TMEM178B: variants seen among roughly 807,000 people sequenced by gnomAD.
TMEM178B encodes transmembrane protein 178B.
A neutral mutation model predicts 31.0 loss-of-function variants in TMEM178B; 5 were observed. That is an observed-to-expected ratio of 0.16 (90% CI 0.08 to 0.34). The LOEUF (loss-of-function observed/expected upper bound fraction) is 0.34. TMEM178B is among the 10% of genes least tolerant of loss of function. TMEM178B has a pLI of 1.00. For synonymous variants in TMEM178B, 164 were observed against 164.0 expected (o/e 1.00, Z 0.00); for missense variants, 275 against 400.3 (o/e 0.69, Z 2.67).
chr7:141,105,483 G>A (rs965218876), intron 1 of TMEM178B, among the ~76,000 whole-genome samples: 1 of 152,038 alleles, frequency 6.6e-6, no homozygotes, highest in African/African-American at 2.4e-5. Flanking sequence ...TTCTAGCCTG[G>A]GCAACACAGT....
At chr7:141,077,288 G>A (rs1254516904) in intron 1 of TMEM178B, among the ~76,000 whole-genome samples, 1 of 152,130 alleles carries the variant, frequency 6.6e-6, no homozygotes, top group Admixed American at 6.5e-5. Flanking sequence ...TTAAAATTCT[G>A]GAAGATATGT....
At chr7:141,098,657 G>A (rs1328240019) in intron 1 of TMEM178B, among the ~76,000 whole-genome samples, 4 of 152,214 alleles carry the variant, frequency 2.6e-5, no homozygotes, top group African/African-American at 9.6e-5. Flanking sequence ...TATTGTGAAG[G>A]TTGAGTGAGT....
At chr7:141,215,337 A>ATTTTTTTTTTTTTTTTTTT (rs67571979) in intron 2 of TMEM178B, among the ~76,000 whole-genome samples, 1 of 141,488 alleles carries the variant, frequency 7.1e-6, no homozygotes, top group Admixed American at 7.3e-5. Context: ...TATTATTATT[A>ATTTTTTTTTTTTTTTTTTT]TTTTTTGAGA....
At chr7:141,252,474 G>T (rs915408082) in intron 2 of TMEM178B, among the ~76,000 whole-genome samples, 1 of 152,200 alleles carries the variant, frequency 6.6e-6, no homozygotes, top group Non-Finnish European at 1.5e-5. Context: ...AACTGGCCAC[G>T]ATGTAGACGT....
chr7:141,508,663 T>A, the TMEM178B span, among the ~76,000 whole-genome samples: 55 of 152,328 alleles, frequency 3.6e-4, 2 homozygotes, highest in South Asian at 8.3e-4. Context: ...CGAAAGGCAC[T>A]TCTTACATGG....
At chr7:141,174,468 T>G (rs1796396011) in intron 1 of TMEM178B, among the ~76,000 whole-genome samples, 1 of 152,184 alleles carries the variant, frequency 6.6e-6, no homozygotes, top group Non-Finnish European at 1.5e-5. Flanking sequence ...TTCCTTTGGG[T>G]ATATACCCAG....
intron 2 of TMEM178B, among the ~76,000 whole-genome samples, chr7:141,357,492 C>T (rs1799841382): frequency 6.6e-6 from 1 of 152,186 alleles, no homozygotes; most frequent in Admixed American, 6.5e-5. Flanking sequence ...GGAGCACTAG[C>T]CTGGGGCTCC....
intron 2 of TMEM178B, among the ~76,000 whole-genome samples, chr7:141,432,884 C>T (rs1014537472): frequency 3.9e-5 from 6 of 152,110 alleles, no homozygotes; most frequent in Non-Finnish European, 7.4e-5. Context: ...GTCTGAGGGG[C>T]GGATTCTGGG....
rs1419475815 is a variant in TMEM178B at position 141,215,898 on chromosome 7, T to A, written c.496+3194T>A. Reference sequence around the variant, plus strand: ...CTCCTTCCTTCCTTCCTTTCCTTCTTTCTTTCTTTCTTTCTTTTTTTTTTT... The same window carrying A: ...CTCCTTCCTTCCTTCCTTTCCTTCTATCTTTCTTTCTTTCTTTTTTTTTTT... On this transcript the variant is annotated intron_variant, in intron 2 of 3. Coordinates refer to ENST00000565468, the MANE Select transcript of TMEM178B (RefSeq NM_001195278.2). Among the ~76,000 whole-genome samples, 5 of 23,258 alleles carry A rather than the reference T, an allele frequency of 2.1e-4. 1 individual carries two copies. Among genetic ancestry groups the A allele is most frequent in the Non-Finnish European group, 8.2e-4 (4 of 4,872 alleles). The allele number at this position is 23,258 out of a possible 152,430, so 15.3% of individuals were successfully genotyped here. A position where few individuals can be genotyped will look rare whatever the true frequency, so the allele number is the denominator to read the frequency against.
chr7:141,077,344 G>A (rs1369503556), intron 1 of TMEM178B, among the ~76,000 whole-genome samples: 5 of 152,280 alleles, frequency 3.3e-5, no homozygotes, highest in South Asian at 2.1e-4. Flanking sequence ...TTTAAAATCC[G>A]TTAATATATA....
In TMEM178B at chr7:141,270,430, A is replaced by G. The variant is rs931374331; in HGVS notation, c.496+57726A>G. On this transcript the variant is annotated intron_variant, in intron 2 of 3. Transcript: ENST00000565468. Reference sequence around the variant, plus strand: ...TGCCGAGGGACAATAAGAAGCTGACATTCGGGAATTTTCTTTGGGTAGGTT... The same window carrying G: ...TGCCGAGGGACAATAAGAAGCTGACGTTCGGGAATTTTCTTTGGGTAGGTT... Among the ~76,000 whole-genome samples, 63 of 152,276 alleles carry G rather than the reference A, an allele frequency of 4.1e-4. 1 individual carries two copies. The highest frequency in any genetic ancestry group is 1.4e-3 in the African/African-American group (59 of 41,572).
chr7:141,362,864 T>G (rs924440426), intron 2 of TMEM178B, among the ~76,000 whole-genome samples: 3 of 152,174 alleles, frequency 2.0e-5, no homozygotes, highest in Admixed American at 1.3e-4. Flanking sequence ...ACAGAGACAC[T>G]CAGGGGTCAG....
intron 1 of TMEM178B, among the ~76,000 whole-genome samples, chr7:141,143,894 A>C (rs748621479): frequency 2.0e-5 from 3 of 152,150 alleles, no homozygotes; most frequent in Non-Finnish European, 4.4e-5. Context: ...GATTTATTTC[A>C]GCAGTGTTTT....
chr7:141,368,246 G>A (rs1041687837), intron 2 of TMEM178B, among the ~76,000 whole-genome samples: 2 of 152,150 alleles, frequency 1.3e-5, no homozygotes, highest in African/African-American at 2.4e-5. Context: ...TTGAACCTGG[G>A]GGGTGGAGGT....
intron 1 of TMEM178B, among the ~76,000 whole-genome samples, chr7:141,088,298 C>T (rs1048555221): frequency 6.6e-6 from 1 of 152,056 alleles, no homozygotes; most frequent in African/African-American, 2.4e-5. Context: ...CTCCCATGCA[C>T]TCCCATGTGC....
rs182577020 is a variant in TMEM178B at position 141,222,910 on chromosome 7, G to A, written c.496+10206G>A. Among the ~76,000 whole-genome samples the A allele has an allele frequency of 4.6e-3, 706 of 152,326 alleles. 4 individuals carry two copies. Among genetic ancestry groups the A allele is most frequent in the African/African-American group, 0.016 (675 of 41,578 alleles). On this transcript the variant is annotated intron_variant, in intron 2 of 3. Transcript: ENST00000565468. ...CCTCAGTGTGGTAGCAGCAGCAGAA[G>A]CAGCTCTTTAATTTATCAGTTGTGC...
At chr7:141,306,282 G>A (rs1798814473) in intron 2 of TMEM178B, among the ~76,000 whole-genome samples, 1 of 152,166 alleles carries the variant, frequency 6.6e-6, no homozygotes, top group African/African-American at 2.4e-5. Context: ...TTCAGTAATT[G>A]TCTGTGCTCT....
At chr7:141,447,489 A>G (rs1260058433) in intron 3 of TMEM178B, among the ~76,000 whole-genome samples, 1 of 152,134 alleles carries the variant, frequency 6.6e-6, no homozygotes, top group African/African-American at 2.4e-5. Context: ...AGAGCAGATC[A>G]TTAAGGGCCT....
chr7:141,422,148 T>C lies in TMEM178B; in HGVS notation c.497-15460T>C, dbSNP rs116353540. 3.0e-3 allele frequency among the ~76,000 whole-genome samples: 459 copies of C among 152,310 alleles called. 3 individuals are homozygous for C. Among genetic ancestry groups the C allele is most frequent in the African/African-American group, 0.01 (429 of 41,574 alleles). ...TTCTACCTGCTCCCTGTTAACCCTATTACTTCTGGCTCCTCCAGGGCTGCG... is the reference window on the plus strand; with the variant it reads ...TTCTACCTGCTCCCTGTTAACCCTACTACTTCTGGCTCCTCCAGGGCTGCG... On this transcript the variant is annotated intron_variant, in intron 2 of 3. Coordinates refer to ENST00000565468, the MANE Select transcript of TMEM178B (RefSeq NM_001195278.2). The surrounding 1 kb of genome is among the most constrained non-coding windows in gnomAD (Gnocchi z 4.2).
Sources: allele counts gnomAD v4.1 joint callset (sites outside exome capture counted in the v4.1 genomes callset), GRCh38; gene constraint gnomAD v4.1.1; non-coding constraint Gnocchi (gnomAD v3.1); transcripts MANE v1.5; gene names NCBI Gene and HGNC (gene_info 2026-07-23, HGNC 2026-07-21).